Variants in ROBO2 observed in about 807,000 individuals in gnomAD.
ROBO2 encodes the protein roundabout guidance receptor 2, also known as roundabout homolog 2.
A neutral mutation model predicts 160.8 loss-of-function variants in ROBO2; 53 were observed. The ratio of observed to expected loss-of-function variants is 0.33; its 90% CI spans 0.26 to 0.41. The LOEUF (loss-of-function observed/expected upper bound fraction) is 0.41, where lower values mean the gene tolerates loss of function less well. Ranked by LOEUF, ROBO2 falls within the 10% of genes least tolerant of loss-of-function variation. The pLI, the probability that ROBO2 is intolerant of heterozygous loss-of-function variation, is 1.00. For missense variants in ROBO2, 1,577 were observed against 1,722.4 expected (o/e 0.92, Z 1.49); for synonymous variants, 664 against 611.7 (o/e 1.09, Z -1.26).
chr3:77,406,444 G>T (rs571012654), intron 2 of ROBO2, among the ~76,000 whole-genome samples: 6 of 152,270 alleles, frequency 3.9e-5, no homozygotes, highest in Non-Finnish European at 8.8e-5. Flanking sequence ...GGCAGAGTCA[G>T]AAATTAATGG....
At chr3:76,060,519 C>T (rs913744103) in intron 2 of ROBO2, among the ~76,000 whole-genome samples, 31 of 152,198 alleles carry the variant, frequency 2.0e-4, no homozygotes, top group Admixed American at 1.1e-3. Context: ...TTTTGTCTTC[C>T]GGGAAAACAT....
intron 2 of ROBO2, among the ~76,000 whole-genome samples, chr3:76,845,794 A>T (rs1327444822): frequency 6.6e-6 from 1 of 152,028 alleles, no homozygotes; most frequent in Non-Finnish European, 1.5e-5. Context: ...ATTTCATCAT[A>T]ATTCTGACAA....
chr3:77,438,455 G>C (rs1453524144), intron 2 of ROBO2, among the ~76,000 whole-genome samples: 2 of 151,658 alleles, frequency 1.3e-5, no homozygotes, highest in Non-Finnish European at 2.9e-5. Flanking sequence ...ACCTACGAGA[G>C]AGAGCAGGTT....
rs146787974 is a variant in ROBO2 at position 77,052,365 on chromosome 3, CAG to C, written c.61+11522_61+11523del. 1.6e-3 allele frequency among the ~76,000 whole-genome samples: 241 copies of C among 152,246 alleles called. 2 individuals carry two copies. Among genetic ancestry groups the C allele is most frequent in the Non-Finnish European group, 2.2e-3 (153 of 68,008 alleles). ...GAGGCTGTGCTGCTGAGAGTCCACT[CAG>C]AGCAATAATAAAAGCCTTGAGAGTT... is the stretch of plus-strand genomic sequence containing the variant. On this transcript the variant is annotated intron_variant, in intron 1 of 25. Transcript: ENST00000461745.
intron 6 of ROBO2, 50 bp downstream of exon 7, chr3:77,527,464 A>G (rs1352938494): frequency 3.3e-6 from 4 of 1,208,972 alleles, no homozygotes; most frequent in East Asian, 5.7e-5. Context: ...ACAGTGCTTC[A>G]TAACTCATGC....
chr3:76,996,432 T>C (rs954148388), intron 2 of ROBO2, among the ~76,000 whole-genome samples: 3 of 152,168 alleles, frequency 2.0e-5, no homozygotes, highest in East Asian at 3.9e-4. Context: ...CTTGGCAATG[T>C]GGGCTCTTTT....
At chr3:77,033,466 C>T (rs2063447036) in intron 2 of ROBO2, among the ~76,000 whole-genome samples, 2 of 152,112 alleles carry the variant, frequency 1.3e-5, no homozygotes, top group African/African-American at 4.8e-5. Flanking sequence ...ATAAATGTGC[C>T]TCTAGCTTTG....
chr3:76,218,533 A>G (rs907589789), intron 2 of ROBO2, among the ~76,000 whole-genome samples: 14 of 152,202 alleles, frequency 9.2e-5, no homozygotes, highest in Admixed American at 2.0e-4. Context: ...ACAAACAGAG[A>G]GCCAAATCCT....
In ROBO2 at chr3:76,223,542, T is replaced by A. The variant is rs547605720; in HGVS notation, c.109+285940T>A. Among the ~76,000 whole-genome samples, 6 of 152,220 alleles carry A rather than the reference T, an allele frequency of 3.9e-5. No homozygotes were observed. In the South Asian group the frequency reaches 1.2e-3, roughly 32 times the overall value. ...AATATTCCCAGCTTCATCAGGAGCT[T>A]TCCAGACATCCCCATCCCAGCTTAT... On this transcript the variant is annotated intron_variant, in intron 2 of 26. Coordinates refer to the ROBO2 transcript ENST00000487694.
chr3:77,303,891 G>C (rs372703208), intron 2 of ROBO2, among the ~76,000 whole-genome samples: 5 of 152,060 alleles, frequency 3.3e-5, no homozygotes, highest in African/African-American at 1.2e-4. Flanking sequence ...TAAACATTTT[G>C]AGAAAAATCA....
intron 6 of ROBO2, among the ~76,000 whole-genome samples, chr3:77,537,711 T>C (rs1376368630): frequency 6.6e-6 from 1 of 152,146 alleles, no homozygotes; most frequent in Admixed American, 6.5e-5. Flanking sequence ...GAAAAGAGGT[T>C]TAATCGACTC....
chr3:76,075,277 C>A (rs6778933), intron 2 of ROBO2, among the ~76,000 whole-genome samples: 94,335 of 151,184 alleles, frequency 0.62, 30,052 homozygotes, highest in African/African-American at 0.75. Context: ...GGAGGATGAA[C>A]GATTGTGTCC....
At chr3:76,768,567 T>C (rs935158687) in intron 2 of ROBO2, among the ~76,000 whole-genome samples, 4 of 151,250 alleles carry the variant, frequency 2.6e-5, no homozygotes, top group Admixed American at 6.6e-5. Context: ...CTATATACTG[T>C]ATAGTAGATT....
intron 2 of ROBO2, among the ~76,000 whole-genome samples, chr3:77,297,555 G>C (rs959263871): frequency 6.6e-6 from 1 of 152,124 alleles, no homozygotes; most frequent in Non-Finnish European, 1.5e-5. Flanking sequence ...GACGAAATGA[G>C]GGAAACCTTG....
At position 76,990,561 on chromosome 3, in the gene ROBO2, C is replaced by G. The variant is rs900982927; in HGVS notation, c.110-107453C>G. Among the ~76,000 whole-genome samples the G allele has an allele frequency of 5.9e-5, 9 of 152,218 alleles. No homozygotes were observed. In the South Asian group the frequency reaches 1.5e-3, roughly 25 times the overall value. ...CAGTAGATAGCTAGTCAGACATGAG[C>G]AGAGCAGGAGAGGGCTCCCTCTGGC... On this transcript the variant is annotated intron_variant, in intron 2 of 26. Transcript: ENST00000487694.
At chr3:77,492,998 T>A (rs2153600284) in intron 4 of ROBO2, among the ~76,000 whole-genome samples, 1 of 152,310 alleles carries the variant, frequency 6.6e-6, no homozygotes, top group African/African-American at 2.4e-5. Context: ...GAAAAATCAA[T>A]TTAATATTTT....
At chr3:77,035,688 A>C (rs981471370), upstream of ROBO2, among the ~76,000 whole-genome samples, 8 of 151,946 alleles carry the variant, frequency 5.3e-5, no homozygotes, top group Admixed American at 1.3e-4. Flanking sequence ...TACTTAGAAC[A>C]TATTTCAGAA....
At chr3:76,765,402 G>C (rs1444404397) in intron 2 of ROBO2, among the ~76,000 whole-genome samples, 1 of 151,598 alleles carries the variant, frequency 6.6e-6, no homozygotes, top group East Asian at 2.0e-4. Flanking sequence ...TTTTTGAAAA[G>C]AGTTGAAAAT....
At chr3:75,940,361 G>A (rs76366874) in intron 2 of ROBO2, among the ~76,000 whole-genome samples, 1 of 152,142 alleles carries the variant, frequency 6.6e-6, no homozygotes, top group Non-Finnish European at 1.5e-5. Flanking sequence ...TCCCTCTGGG[G>A]CCCTTAGGGT....
Sources: allele counts gnomAD v4.1 joint callset (sites outside exome capture counted in the v4.1 genomes callset), GRCh38; gene constraint gnomAD v4.1.1; transcripts MANE v1.5; gene names NCBI Gene and HGNC (gene_info 2026-07-23, HGNC 2026-07-21).